The following HDAC9 variants were observed in gnomAD, a reference collection of about 807,000 sequenced individuals.
HDAC9 encodes MEF-2 interacting transcription repressor (MITR) protein.
In HDAC9, 41 loss-of-function variants were observed where a neutral mutation model predicts 139.4. The ratio of observed to expected loss-of-function variants is 0.29; its 90% CI spans 0.23 to 0.38. The LOEUF (loss-of-function observed/expected upper bound fraction) is 0.38, where lower values mean the gene tolerates loss of function less well. Among genes scored for constraint, HDAC9 ranks in the 10% least tolerant of loss-of-function variants. The probability of loss-of-function intolerance (pLI) is 1.00; values close to 1 mark genes in which losing one functional copy is unlikely to be tolerated. For synonymous variants in HDAC9, 517 were observed against 476.2 expected (o/e 1.09, Z -1.12); for missense variants, 1,147 against 1,297.0 (o/e 0.88, Z 1.78).
At chr7:18,332,120 C>A (rs897206373) in intron 1 of HDAC9, among the ~76,000 whole-genome samples, 13 of 151,658 alleles carry the variant, frequency 8.6e-5, no homozygotes, top group Non-Finnish European at 1.5e-4. Flanking sequence ...AATAAAAGTT[C>A]TTTCTAACAG....
chr7:18,377,830 C>A (rs147812036), intron 1 of HDAC9, among the ~76,000 whole-genome samples: 11 of 152,204 alleles, frequency 7.2e-5, no homozygotes, highest in African/African-American at 2.6e-4. Flanking sequence ...GTTATCCATA[C>A]AAAGATAAGA....
At chr7:18,715,820 A>C (rs1784658487) in intron 12 of HDAC9, among the ~76,000 whole-genome samples, 1 of 152,172 alleles carries the variant, frequency 6.6e-6, no homozygotes, top group African/African-American at 2.4e-5. Context: ...TTTTTAAATT[A>C]ATGACCTCTG....
At chr7:18,815,437 A>G (rs1328378071) in intron 17 of HDAC9, among the ~76,000 whole-genome samples, 1 of 152,200 alleles carries the variant, frequency 6.6e-6, no homozygotes, top group Non-Finnish European at 1.5e-5. Context: ...CCCCGTCACA[A>G]CAAGACTTTC....
intron 1 of HDAC9, among the ~76,000 whole-genome samples, chr7:18,425,652 G>T (rs1356108492): frequency 1.3e-5 from 2 of 152,314 alleles, no homozygotes; most frequent in East Asian, 3.9e-4. Flanking sequence ...GCAGGAAGCA[G>T]AAAGTGCCAT....
chr7:18,196,759 G>A (rs1339784375), intron 2 of HDAC9, among the ~76,000 whole-genome samples: 1 of 152,144 alleles, frequency 6.6e-6, no homozygotes, highest in African/African-American at 2.4e-5. Context: ...GGGTGTAGGG[G>A]TGTGGGGCTG....
chr7:18,496,570 G>C (rs745325365), intron 2 of HDAC9: 41 of 500,930 alleles, frequency 8.2e-5, no homozygotes, highest in Non-Finnish European at 1.3e-4. Flanking sequence ...TGAAAGATGA[G>C]ACTGAGATAA....
At chr7:18,093,940 T>C (rs575357082) in intron 1 of HDAC9, among the ~76,000 whole-genome samples, 2 of 152,286 alleles carry the variant, frequency 1.3e-5, no homozygotes, top group East Asian at 3.9e-4. Context: ...CCCTTGCTGC[T>C]CCACTGTACC....
chr7:18,310,760 A>G (rs1328498692), intron 1 of HDAC9, among the ~76,000 whole-genome samples: 3 of 151,900 alleles, frequency 2.0e-5, no homozygotes, highest in African/African-American at 7.3e-5. Context: ...ATCAGGGGAA[A>G]GAGAAGTTGA....
intron 17 of HDAC9, among the ~76,000 whole-genome samples, chr7:18,799,169 G>A (rs990166042): frequency 2.0e-5 from 3 of 151,818 alleles, no homozygotes; most frequent in Non-Finnish European, 4.4e-5. Flanking sequence ...ATCATTGACT[G>A]ACCACTAAGC....
chr7:18,856,882 G>A (rs1364676100), intron 21 of HDAC9, among the ~76,000 whole-genome samples: 1 of 152,104 alleles, frequency 6.6e-6, no homozygotes, highest in Non-Finnish European at 1.5e-5. Context: ...TGAAGCATAG[G>A]TAGTATTCAT....
intron 11 of HDAC9, among the ~76,000 whole-genome samples, chr7:18,649,435 A>G (rs1212612956): frequency 6.6e-6 from 1 of 152,144 alleles, no homozygotes; most frequent in Non-Finnish European, 1.5e-5. Context: ...CATTCCTGGA[A>G]AATTCCTGGA....
At chr7:18,119,270 C>G (rs1369690577) in intron 1 of HDAC9, among the ~76,000 whole-genome samples, 3 of 152,128 alleles carry the variant, frequency 2.0e-5, no homozygotes, top group Non-Finnish European at 4.4e-5. Flanking sequence ...TAGATACTGT[C>G]ACATGCCTGT....
chr7:18,134,644 G>C (rs566055870), intron 1 of HDAC9, among the ~76,000 whole-genome samples: 5 of 152,280 alleles, frequency 3.3e-5, no homozygotes, highest in Admixed American at 3.3e-4. Context: ...AGCACTAGGT[G>C]TGATTCTAAA....
intron 12 of HDAC9, among the ~76,000 whole-genome samples, chr7:18,716,240 T>C (rs1784690194): frequency 6.6e-6 from 1 of 152,204 alleles, no homozygotes; most frequent in Non-Finnish European, 1.5e-5. Flanking sequence ...TTCATCCCTC[T>C]CTGGGCTGTT....
At chr7:18,182,040 G>A (rs1234951028) in intron 2 of HDAC9, among the ~76,000 whole-genome samples, 2 of 152,144 alleles carry the variant, frequency 1.3e-5, no homozygotes, top group Non-Finnish European at 2.9e-5. Flanking sequence ...TGGAGGAAAG[G>A]GAATCCACAG....
intron 13 of HDAC9, among the ~76,000 whole-genome samples, chr7:18,738,806 T>G (rs2129140118): frequency 6.6e-6 from 1 of 152,350 alleles, no homozygotes; most frequent in Admixed American, 6.5e-5. Context: ...AATGTTGGCC[T>G]GCCTTGTGAG....
chr7:18,109,397 G>A (rs1482926717), intron 1 of HDAC9, among the ~76,000 whole-genome samples: 1 of 152,202 alleles, frequency 6.6e-6, no homozygotes, highest in Non-Finnish European at 1.5e-5. Context: ...TTTGGTGTCA[G>A]TGTAGTTTCT....
At chr7:18,228,218 C>G (rs547957983) in intron 2 of HDAC9, among the ~76,000 whole-genome samples, 1 of 151,764 alleles carries the variant, frequency 6.6e-6, no homozygotes, top group East Asian at 1.9e-4. Flanking sequence ...CCAAGAATTA[C>G]TATTCTTATT....
chr7:18,154,199 AT>A (rs1562683016), intron 1 of HDAC9, among the ~76,000 whole-genome samples: 1 of 152,066 alleles, frequency 6.6e-6, no homozygotes, highest in Non-Finnish European at 1.5e-5. Context: ...CATCCAAGTG[AT>A]TTTTTTATAT....
Sources: allele counts gnomAD v4.1 joint callset (sites outside exome capture counted in the v4.1 genomes callset), GRCh38; gene constraint gnomAD v4.1.1; transcripts MANE v1.5; gene names NCBI Gene and HGNC (gene_info 2026-07-23, HGNC 2026-07-21).